The following FAT1 variants were observed in gnomAD, a reference collection of about 807,000 sequenced individuals.
The protein encoded by FAT1 is protocadherin Fat 1.
A neutral mutation model predicts 329.8 loss-of-function variants in FAT1; 171 were observed. That is an observed-to-expected ratio of 0.52 (90% CI 0.46 to 0.59). The LOEUF is 0.59. Ranked by LOEUF, FAT1 falls within the 20% of genes least tolerant of loss-of-function variation. The pLI, the probability that FAT1 is intolerant of heterozygous loss-of-function variation, is 0.00. For synonymous variants in FAT1, 2,233 were observed against 2,228.6 expected, an observed-to-expected ratio of 1.00 and a Z score of -0.06; for missense variants, 5,672 against 5,774.4, an observed-to-expected ratio of 0.98 and a Z score of 0.57.
chr4:186,606,040 C>T (rs1739118146), intron 17 of FAT1, 30 bp downstream of exon 17: 1 of 1,605,392 alleles, frequency 6.2e-7, no homozygotes, highest in East Asian at 2.2e-5. Context: ...TTCAAAGAAC[C>T]CCAGGACCAC....
At position 186,633,698 on chromosome 4, in the gene FAT1, T is replaced by C. The variant is rs1248088211; in HGVS notation, c.4309A>G (p.Thr1437Ala). The C allele has an allele frequency of 3.1e-6, 5 of 1,613,818 alleles. No homozygotes were observed. The Admixed American group carries it at 6.7e-5, about 22-fold the overall frequency. ...AATTCACTTACCTGAGTGAGGATAG[T>C]GGTGGTTCCATCTGTAGCCTCGACT... ...LTVEATDGTT[T>A]ILTQVFIKVI... Residue 1437 changes from threonine (T) to alanine (A), a missense_variant, in exon 7 of 27, where the codon ACT becomes GCT. This residue lies in a region of FAT1 where 3,966 missense variants were observed against 3,915.2 expected (regional missense o/e 1.01). Coordinates refer to ENST00000441802, the MANE Select transcript of FAT1 (RefSeq NM_005245.4).
rs1579481461 is a variant in FAT1 at position 186,706,174 on chromosome 4, C to G, written c.3265+389G>C. Among the ~76,000 whole-genome samples, 4 of 152,268 alleles carry G rather than the reference C, an allele frequency of 2.6e-5. No homozygotes were observed. The South Asian group carries it at 8.3e-4, about 32-fold the overall frequency. On this transcript the variant is annotated intron_variant, in intron 2 of 26. Transcript: ENST00000441802. ...ACGCCAGATGGTAGCAGTAGTTGTT[C>G]TAAGTATGAGCCTGCAAATACACTG...
intron 2 of FAT1, among the ~76,000 whole-genome samples, chr4:186,665,552 T>C (rs1742396635): frequency 6.6e-6 from 1 of 152,228 alleles, no homozygotes. Flanking sequence ...GTTTTTTTCT[T>C]GTAAATTTGT....
chr4:186,635,703 CAATA>C (rs1159097837), intron 6 of FAT1, among the ~76,000 whole-genome samples: 3 of 152,176 alleles, frequency 2.0e-5, no homozygotes, highest in African/African-American at 7.2e-5. Flanking sequence ...GGTTATGCAT[CAATA>C]AATAAACAGT....
intron 9 of FAT1, among the ~76,000 whole-genome samples, chr4:186,626,044 C>T (rs1331779902): frequency 2.9e-5 from 4 of 139,170 alleles, no homozygotes; most frequent in Non-Finnish European, 6.2e-5. Context: ...GAGGGACCAA[C>T]ATGGCACCTG....
Position 186,600,034 on chromosome 4 carries a change from T to C in FAT1, c.11967A>G (p.Leu3989=), listed in dbSNP as rs1261993381. 8.7e-6 allele frequency: 14 copies of C among 1,613,898 alleles called. No individual in the cohort carries two copies. The highest frequency in any genetic ancestry group is 1.7e-5 in the Admixed American group (1 of 60,004). ...SIYLNGQELP[L]NSKPRSYAHI... The stretch of plus-strand genomic sequence containing the variant: ...GTGCATAGCTTCTGGGTTTGCTGTT[T>C]AAAGGGAGCTCCTGCCCATTCAAAT... Residue 3989 remains leucine, a synonymous_variant, in exon 22 of 27, where the codon TTA becomes TTG. Transcript: ENST00000441802.
intron 1 of FAT1, among the ~76,000 whole-genome samples, chr4:186,713,938 C>T (rs559079552): frequency 1.3e-5 from 2 of 152,322 alleles, no homozygotes; most frequent in East Asian, 3.9e-4. Flanking sequence ...CTGCCCAACT[C>T]GGCCTCCCGA....
At chr4:186,700,740 G>A (rs890275307) in intron 2 of FAT1, among the ~76,000 whole-genome samples, 4 of 152,186 alleles carry the variant, frequency 2.6e-5, no homozygotes, top group Admixed American at 1.3e-4. Context: ...TCTCATTGAC[G>A]TTTCATCCTG....
intron 1 of FAT1, among the ~76,000 whole-genome samples, chr4:186,715,598 G>GA (rs1030478639): frequency 9.2e-5 from 14 of 152,184 alleles, no homozygotes; most frequent in Non-Finnish European, 2.9e-5. Flanking sequence ...CTGAAGCGGG[G>GA]AGAGACTCCA....
chr4:186,719,878 T>C (rs897723312), intron 1 of FAT1, among the ~76,000 whole-genome samples: 1 of 152,244 alleles, frequency 6.6e-6, no homozygotes, highest in African/African-American at 2.4e-5. Flanking sequence ...TCTTTTGGTA[T>C]TCCTGCTTTC....
At chr4:186,630,429 A>G (rs915543895) in intron 7 of FAT1, among the ~76,000 whole-genome samples, 19 of 152,174 alleles carry the variant, frequency 1.2e-4, no homozygotes, top group African/African-American at 4.6e-4. Context: ...AGAAGAAGGC[A>G]GAGTCAAATA....
chr4:186,606,895 C>G (rs1318810813), intron 16 of FAT1, among the ~76,000 whole-genome samples: 1 of 152,212 alleles, frequency 6.6e-6, no homozygotes, highest in Non-Finnish European at 1.5e-5. Context: ...GAACGTTAGT[C>G]CTGCAAGACG....
At chr4:186,713,006 T>C (rs563816088) in intron 1 of FAT1, among the ~76,000 whole-genome samples, 26 of 146,068 alleles carry the variant, frequency 1.8e-4, no homozygotes, top group African/African-American at 6.0e-4. Context: ...ATAAACCTTA[T>C]TTTAGAATGC....
At chr4:186,652,317 A>C (rs547780357) in intron 3 of FAT1, among the ~76,000 whole-genome samples, 10 of 152,258 alleles carry the variant, frequency 6.6e-5, no homozygotes, top group Non-Finnish European at 1.2e-4. Flanking sequence ...TGACATAAAA[A>C]GACTAATCTC....
intron 24 of FAT1, 105 bp downstream of exon 24, chr4:186,597,577 A>G: frequency 1.3e-6 from 1 of 753,366 alleles, no homozygotes; most frequent in South Asian, 1.7e-5. Context: ...AGGATTATCA[A>G]AATCTGACAT....
At chr4:186,590,742 G>A (rs1300415739) in intron 26 of FAT1, 4 of 448,408 alleles carry the variant, frequency 8.9e-6, no homozygotes, top group African/African-American at 6.1e-5. Flanking sequence ...AAAACAAACA[G>A]GCTCTAATAA....
chr4:186,588,657 C>T lies in FAT1; in HGVS notation c.13702G>A (p.Asp4568Asn), dbSNP rs370613233. 2 of 1,613,844 alleles carry T rather than the reference C, an allele frequency of 1.2e-6. No individual in the cohort carries two copies. Among genetic ancestry groups the T allele is most frequent in the African/African-American group, 2.7e-5 (2 of 74,910 alleles). The change falls in exon 27 of 27, where the codon GAC becomes AAC. Residue 4568 changes from aspartate to asparagine, a missense_variant. This residue lies in a region of FAT1 where 1,706 missense variants were observed against 1,859.1 expected (regional missense o/e 0.92). Coordinates refer to ENST00000441802, the MANE Select transcript of FAT1 (RefSeq NM_005245.4). ...GTCACCTCTTCGAAGTGGCCGTCGTCCCCGCTCTCATAGTCACTCATCATG... is the reference window on the plus strand; with the variant it reads ...GTCACCTCTTCGAAGTGGCCGTCGTTCCCGCTCTCATAGTCACTCATCATG... ...EVMMSDYESG[D>N]DGHFEEVTIP...
chr4:186,681,494 G>A (rs1019251524), intron 2 of FAT1, among the ~76,000 whole-genome samples: 8 of 152,122 alleles, frequency 5.3e-5, no homozygotes, highest in African/African-American at 9.7e-5. Context: ...TGATGGAAGC[G>A]GTGTTCGGAA....
chr4:186,621,187 T>C lies in FAT1; in HGVS notation c.5399A>G (p.Asp1800Gly), dbSNP rs540291879. 27 of 1,614,042 alleles carry C rather than the reference T, an allele frequency of 1.7e-5. No homozygotes were observed. The highest frequency in any genetic ancestry group is 1.2e-4 in the Admixed American group (7 of 60,020). Residue 1800 changes from aspartate to glycine, a missense_variant, in exon 10 of 27, where the codon GAT (aspartate) becomes GGT (glycine). Physicochemically the swap from Asp to Gly is moderately conservative, Grantham distance 94. Transcript: ENST00000441802. Reference protein sequence around the residue: ...VPLVIRAADADKDSNALLVYH... With the variant: ...VPLVIRAADAGKDSNALLVYH... ...TACAAGCAAAGCATTTGAGTCTTTATCAGCATCAGCTGCTCGAATCACCAG... is the reference window on the plus strand; with the variant it reads ...TACAAGCAAAGCATTTGAGTCTTTACCAGCATCAGCTGCTCGAATCACCAG...
Sources: allele counts gnomAD v4.1 joint callset (sites outside exome capture counted in the v4.1 genomes callset), GRCh38; gene constraint gnomAD v4.1.1; regional missense constraint gnomAD v4.1.1; transcripts MANE v1.5; gene names NCBI Gene and HGNC (gene_info 2026-07-23, HGNC 2026-07-21).